CCDC85A: variants seen among roughly 807,000 people sequenced by gnomAD.
The protein encoded by CCDC85A is coiled-coil domain-containing protein 85A.
CCDC85A carries 38 observed loss-of-function variants against 50.2 expected under a neutral mutation model. The observed-to-expected ratio is 0.76, with a 90% CI of 0.58 to 0.99. The LOEUF (loss-of-function observed/expected upper bound fraction) is 0.99. Among genes scored for constraint, CCDC85A ranks in the 50% least tolerant of loss-of-function variants. The pLI is 0.00. For missense variants in CCDC85A, 820 were observed against 742.0 expected, an observed-to-expected ratio of 1.11 and a Z score of -1.22; for synonymous variants, 366 against 301.4, an observed-to-expected ratio of 1.21 and a Z score of -2.22.
chr2:56,218,046 A>C (rs1399529186), intron 2 of CCDC85A, among the ~76,000 whole-genome samples: 1 of 151,856 alleles, frequency 6.6e-6, no homozygotes, highest in South Asian at 2.1e-4. Context: ...GTCTGATACA[A>C]CATCTTGTGT....
intron 2 of CCDC85A, among the ~76,000 whole-genome samples, chr2:56,245,679 A>G (rs1334020205): frequency 2.0e-5 from 3 of 152,140 alleles, no homozygotes; most frequent in Non-Finnish European, 4.4e-5. Flanking sequence ...CTGTGGTTTG[A>G]ATATGCCCTT....
chr2:56,361,277 A>T (rs1174186812), intron 3 of CCDC85A, among the ~76,000 whole-genome samples: 2 of 151,794 alleles, frequency 1.3e-5, no homozygotes, highest in Non-Finnish European at 2.9e-5. Flanking sequence ...AAAATAGGGA[A>T]TAGAATTTCT....
At chr2:56,183,915 A>C (rs7565631), upstream of CCDC85A, 7 of 985,362 alleles carry the variant, frequency 7.1e-6, no homozygotes, top group East Asian at 3.4e-4. Flanking sequence ...CGTCCAGCCC[A>C]TGCGGGAGCT....
At chr2:56,314,309 T>C (rs942306396) in intron 2 of CCDC85A, among the ~76,000 whole-genome samples, 12 of 151,670 alleles carry the variant, frequency 7.9e-5, no homozygotes, top group African/African-American at 2.9e-4. Flanking sequence ...AAATTTTGAC[T>C]TCTGATCCCT....
chr2:56,214,844 G>A (rs575207068), intron 2 of CCDC85A, among the ~76,000 whole-genome samples: 1 of 151,920 alleles, frequency 6.6e-6, no homozygotes, highest in South Asian at 2.1e-4. Context: ...GTATTGTGTT[G>A]GCTATTCTGG....
intron 3 of CCDC85A, among the ~76,000 whole-genome samples, chr2:56,371,516 T>C (rs1676071986): frequency 6.6e-6 from 1 of 152,074 alleles, no homozygotes; most frequent in Non-Finnish European, 1.5e-5. Flanking sequence ...AATTATTAAA[T>C]TATTAAAATT....
intron 3 of CCDC85A, among the ~76,000 whole-genome samples, chr2:56,347,609 A>G (rs776750879): frequency 1.1e-4 from 16 of 152,136 alleles, no homozygotes; most frequent in Non-Finnish European, 1.8e-4. Context: ...ATAGTACTTG[A>G]AAACCATAAA....
chr2:56,266,721 C>T lies in CCDC85A; in HGVS notation c.1240+73281C>T, dbSNP rs141343573. 8.7e-3 allele frequency among the ~76,000 whole-genome samples: 1,318 copies of T among 151,938 alleles called. 14 individuals are homozygous for T. The highest frequency in any genetic ancestry group is 9.1e-3 in the Non-Finnish European group (622 of 67,986). ...GAGTCTTACATGGGATGTCAGCTTCCGGATTACTGTTGTTATTTGAGTTTC... is the reference window on the plus strand; with the variant it reads ...GAGTCTTACATGGGATGTCAGCTTCTGGATTACTGTTGTTATTTGAGTTTC... On this transcript the variant is annotated intron_variant, in intron 2 of 5. Transcript: ENST00000407595.
chr2:56,252,089 G>A (rs1418646384), intron 2 of CCDC85A, among the ~76,000 whole-genome samples: 2 of 148,668 alleles, frequency 1.3e-5, no homozygotes, highest in African/African-American at 2.5e-5. Flanking sequence ...CACTGTCCCC[G>A]GGGTTGGAGT....
intron 2 of CCDC85A, among the ~76,000 whole-genome samples, chr2:56,252,138 C>G (rs1384136277): frequency 6.6e-6 from 1 of 151,714 alleles, no homozygotes; most frequent in Middle Eastern, 3.2e-3. Context: ...CCTCTGCCTC[C>G]CAGGTTCAAG....
chr2:56,331,241 G>A lies in CCDC85A; in HGVS notation c.1241-11638G>A, dbSNP rs1397519553. ...GGAGACTGGGGAGGATAGGAGGGTGGGAGAGGGGATGAGTGATAAGAAGTT... is the reference window on the plus strand; with the variant it reads ...GGAGACTGGGGAGGATAGGAGGGTGAGAGAGGGGATGAGTGATAAGAAGTT... On this transcript the variant is annotated intron_variant, in intron 2 of 5. Coordinates refer to ENST00000407595, the MANE Select transcript of CCDC85A (RefSeq NM_001080433.2). 8.6e-5 allele frequency among the ~76,000 whole-genome samples: 13 copies of A among 152,000 alleles called. 1 individual carries two copies. Among genetic ancestry groups the A allele is most frequent in the Non-Finnish European group, 1.9e-4 (13 of 67,990 alleles).
Position 56,351,051 on chromosome 2 carries a change from G to T in CCDC85A, c.1317+8096G>T, listed in dbSNP as rs1228623068. Among the ~76,000 whole-genome samples the T allele has an allele frequency of 3.7e-5, 4 of 107,248 alleles. No individual in the cohort carries two copies. In the Admixed American group the frequency reaches 5.3e-4, roughly 14 times the overall value. 70.4% of individuals were successfully genotyped at this position (107,248 alleles called of 152,430 possible). A position where few individuals can be genotyped will look rare whatever the true frequency, so the allele number is the denominator to read the frequency against. On this transcript the variant is annotated intron_variant, in intron 3 of 5. Transcript: ENST00000407595. ...CAGAGTGTGATGTTCCCCTTCCTGTGTCCATGTGTTCTCATTGTTCAATTC... is the reference window on the plus strand; with the variant it reads ...CAGAGTGTGATGTTCCCCTTCCTGTTTCCATGTGTTCTCATTGTTCAATTC...
intron 2 of CCDC85A, among the ~76,000 whole-genome samples, chr2:56,200,761 T>C (rs1676700364): frequency 6.6e-6 from 1 of 152,138 alleles, no homozygotes; most frequent in Non-Finnish European, 1.5e-5. Context: ...TATTCACAGA[T>C]GGCTGTTCAT....
At chr2:56,239,800 G>A (rs1325326680) in intron 2 of CCDC85A, among the ~76,000 whole-genome samples, 1 of 152,122 alleles carries the variant, frequency 6.6e-6, no homozygotes, top group Non-Finnish European at 1.5e-5. Flanking sequence ...GAGATGATGT[G>A]ATAATTTTGT....
intron 2 of CCDC85A, among the ~76,000 whole-genome samples, chr2:56,339,464 T>G (rs1165372379): frequency 1.3e-5 from 2 of 152,198 alleles, no homozygotes; most frequent in African/African-American, 2.4e-5. Context: ...ACATCAGATA[T>G]ATAAACTGCA....
In CCDC85A at chr2:56,238,811, T is replaced by G. The variant is rs138832729; in HGVS notation, c.1240+45371T>G. ...GTCTACATAAAACCAGTCTTATGTA[T>G]GTATGTGTTTATTTATTTTTACAGA... On this transcript the variant is annotated intron_variant, in intron 2 of 5. Transcript: ENST00000407595. Among the ~76,000 whole-genome samples, 19 of 152,288 alleles carry G rather than the reference T, an allele frequency of 1.2e-4. No homozygotes were observed. The East Asian group carries it at 3.3e-3, about 26-fold the overall frequency.
intron 3 of CCDC85A, among the ~76,000 whole-genome samples, chr2:56,367,204 G>T (rs546173382): frequency 6.6e-6 from 1 of 152,138 alleles, no homozygotes; most frequent in East Asian, 1.9e-4. Flanking sequence ...CTTTCCTTTG[G>T]ACCACTGCCC....
Position 56,192,759 on chromosome 2 carries a change from A to C in CCDC85A, c.559A>C (p.Ile187Leu). 6.2e-7 allele frequency: 1 copy of C among 1,612,954 alleles called. No homozygotes were observed. Among genetic ancestry groups the C allele is most frequent in the Non-Finnish European group, 8.5e-7 (1 of 1,179,582 alleles). Residue 187 changes from isoleucine (I) to leucine (L), a missense_variant, in exon 2 of 6, where the codon ATC (isoleucine) becomes CTC (leucine). Transcript: ENST00000407595. This position sits in a 1 kb window ranked among gnomAD's most constrained non-coding sequence, Gnocchi z 4.7. ...AGGCTGCGCAGGCAGCCGCTGCTCC[A>C]TCGACAGCCAGGCCAGCCTGTGCCA... The part of the protein sequence containing the change: ...GAGCAGSRCS[I>L]DSQASLCQLT...
At chr2:56,243,604 T>A (rs1167342173) in intron 2 of CCDC85A, among the ~76,000 whole-genome samples, 1 of 152,208 alleles carries the variant, frequency 6.6e-6, no homozygotes. Flanking sequence ...GTCTGAAAGG[T>A]CACATATCTT....
Sources: allele counts gnomAD v4.1 joint callset (sites outside exome capture counted in the v4.1 genomes callset), GRCh38; gene constraint gnomAD v4.1.1; non-coding constraint Gnocchi (gnomAD v3.1); transcripts MANE v1.5; gene names NCBI Gene and HGNC (gene_info 2026-07-23, HGNC 2026-07-21).